The following TMEM14A variants were observed in gnomAD, a reference collection of about 807,000 sequenced individuals.
TMEM14A encodes transmembrane protein 14A.
TMEM14A carries 8 observed loss-of-function variants against 11.6 expected under a neutral mutation model. The observed-to-expected ratio is 0.69, with a 90% CI of 0.40 to 1.24. The LOEUF (loss-of-function observed/expected upper bound fraction) is 1.24, where lower values mean the gene tolerates loss of function less well. Among genes scored for constraint, TMEM14A ranks in the 50% most tolerant of loss-of-function variants. The probability of loss-of-function intolerance (pLI) is 0.01; values close to 1 mark genes in which losing one functional copy is unlikely to be tolerated. For synonymous variants in TMEM14A, 34 were observed against 45.5 expected (o/e 0.75, Z 1.02); for missense variants, 108 against 121.9 (o/e 0.89, Z 0.54).
intron 1 of TMEM14A, among the ~76,000 whole-genome samples, chr6:52,675,358 G>T (rs1048284763): frequency 6.6e-6 from 1 of 152,180 alleles, no homozygotes; most frequent in African/African-American, 2.4e-5. Context: ...ACGTGAGAAA[G>T]CTCAGAAATA....
intron 2 of TMEM14A, among the ~76,000 whole-genome samples, chr6:52,680,635 ATG>A (rs1193411881): frequency 4.9e-5 from 5 of 101,578 alleles, no homozygotes; most frequent in Admixed American, 1.0e-4. Flanking sequence ...GTATATATAT[ATG>A]TGTGTATATA....
intron 2 of TMEM14A, among the ~76,000 whole-genome samples, chr6:52,680,585 TTATATATTTA>T (rs1342795016): frequency 3.0e-5 from 1 of 33,264 alleles, no homozygotes; most frequent in Non-Finnish European, 8.1e-5. Context: ...CACTATATAT[TTATATATTTA>T]TATATATATA....
chr6:52,681,673 A>G (rs1004479661), intron 2 of TMEM14A, 140 bp from the exon 3 acceptor site: 8 of 683,660 alleles, frequency 1.2e-5, no homozygotes, highest in Admixed American at 5.4e-5. Flanking sequence ...GAAGAGGCCT[A>G]TTCTTAATTT....
At chr6:52,678,319 ATGTGTGTGTTTGTGTGTGTGTGTGTG>A (rs1186429061) in intron 2 of TMEM14A, among the ~76,000 whole-genome samples, 51 of 133,714 alleles carry the variant, frequency 3.8e-4, no homozygotes, top group African/African-American at 1.3e-3. Context: ...GAGTGTGTGT[ATGTGTGTGTTTGTGTGTGTGTGTGTG>A]TGTGTGTGTG....
chr6:52,683,492 A>AAG (rs1237536564), intron 3 of TMEM14A, among the ~76,000 whole-genome samples: 5 of 140,670 alleles, frequency 3.6e-5, no homozygotes, highest in African/African-American at 1.4e-4. Flanking sequence ...ACAAAAAAAA[A>AAG]AAAAAGAAAA....
Position 52,686,128 on chromosome 6 carries a change from T to C in TMEM14A, c.*79T>C. On this transcript the variant is annotated 3_prime_UTR_variant, in exon 5 of 5. Coordinates refer to ENST00000211314, the MANE Select transcript of TMEM14A (RefSeq NM_014051.4). ...GCATATTTTTTTTGTATTTAAAAGA[T>C]AAACTTCAATATGGAATGCTAGAAA... The C allele has an allele frequency of 3.0e-6, 4 of 1,323,708 alleles. No individual in the cohort carries two copies. Among genetic ancestry groups the C allele is most frequent in the Non-Finnish European group, 4.2e-6 (4 of 957,244 alleles). The allele number at this position is 1,323,708 out of a possible 1,614,324, so 82.0% of individuals were successfully genotyped here.
chr6:52,678,310 A>AGT (rs142548113), intron 2 of TMEM14A, among the ~76,000 whole-genome samples: 3 of 140,538 alleles, frequency 2.1e-5, no homozygotes, highest in African/African-American at 2.7e-5. Flanking sequence ...AGATATAGAG[A>AGT]GTGTGTGTAT....
At chr6:52,678,073 A>G (rs1297579104) in intron 2 of TMEM14A, among the ~76,000 whole-genome samples, 1 of 151,360 alleles carries the variant, frequency 6.6e-6, no homozygotes, top group Non-Finnish European at 1.5e-5. Flanking sequence ...TATTTGAAGG[A>G]AAAAAAAAGA....
At position 52,686,195 on chromosome 6, in the gene TMEM14A, G is replaced by T; in HGVS notation, c.*146G>T. On this transcript the variant is annotated 3_prime_UTR_variant, in exon 5 of 5. Transcript: ENST00000211314. ...ACCTCTAATATGAACATTAGTTTGA[G>T]GTAGTTTTTTTCTAAAGCAAAAATT... 2.8e-6 allele frequency: 2 copies of T among 708,664 alleles called. No homozygotes were observed. The highest frequency in any genetic ancestry group is 4.1e-5 in the South Asian group (1 of 24,264). The allele number at this position is 708,664 out of a possible 1,614,324, so 43.9% of individuals were successfully genotyped here. A position where few individuals can be genotyped will look rare whatever the true frequency, so the allele number is the denominator to read the frequency against.
intron 2 of TMEM14A, among the ~76,000 whole-genome samples, chr6:52,680,704 T>TACATATATGTGTATATATATATATACAC (rs1554137485): frequency 3.9e-5 from 2 of 51,108 alleles, no homozygotes; most frequent in Non-Finnish European, 8.8e-5. Context: ...TATATATATA[T>TACATATATGTGTATATATATATATACAC]ACACATATAT....
At chr6:52,685,512 G>A (rs1295652065) in intron 4 of TMEM14A, among the ~76,000 whole-genome samples, 1 of 152,010 alleles carries the variant, frequency 6.6e-6, no homozygotes, top group Non-Finnish European at 1.5e-5. Flanking sequence ...TTGAGCTCAG[G>A]AGGTGGAGGT....
intron 2 of TMEM14A, among the ~76,000 whole-genome samples, chr6:52,680,573 G>A (rs895077265): frequency 1.0e-4 from 10 of 95,740 alleles, no homozygotes; most frequent in Admixed American, 5.4e-4. Flanking sequence ...AACATTCTAA[G>A]CCACTATATA....
intron 4 of TMEM14A, 49 bp from the exon 5 acceptor site, chr6:52,685,961 G>A: frequency 6.3e-7 from 1 of 1,592,568 alleles, no homozygotes; most frequent in Non-Finnish European, 8.6e-7. Context: ...TCTGTCTTAT[G>A]CCAGATAAAA....
intron 2 of TMEM14A, among the ~76,000 whole-genome samples, chr6:52,677,823 G>T (rs541465098): frequency 2.6e-4 from 40 of 152,188 alleles, no homozygotes; most frequent in South Asian, 1.5e-3. Flanking sequence ...ATTTCAAAGG[G>T]TATTGTATTT....
chr6:52,676,563 T>G (rs1339113118), intron 1 of TMEM14A, among the ~76,000 whole-genome samples: 1 of 152,200 alleles, frequency 6.6e-6, no homozygotes, highest in Non-Finnish European at 1.5e-5. Flanking sequence ...GAACTTCCCT[T>G]TCTTTAGTAG....
intron 3 of TMEM14A, among the ~76,000 whole-genome samples, chr6:52,682,860 G>T (rs1298237954): frequency 1.3e-5 from 2 of 152,038 alleles, no homozygotes; most frequent in Non-Finnish European, 2.9e-5. Flanking sequence ...CTCCAAAAAG[G>T]CTGACATGAT....
chr6:52,680,653 G>GTGTATATA (rs1336856273), intron 2 of TMEM14A, among the ~76,000 whole-genome samples: 1 of 26,990 alleles, frequency 3.7e-5, no homozygotes, highest in Admixed American at 6.3e-4. Flanking sequence ...ATATATATGT[G>GTGTATATA]TGTGTATATA....
intron 2 of TMEM14A, 59 bp downstream of exon 2, chr6:52,677,231 G>A (rs1769274770): frequency 1.2e-5 from 19 of 1,552,876 alleles, no homozygotes; most frequent in Non-Finnish European, 1.5e-5. Flanking sequence ...GGTTGTGCTA[G>A]GTCATGTGAG....
intron 4 of TMEM14A, among the ~76,000 whole-genome samples, chr6:52,685,063 TA>T (rs1437879544): frequency 1.6e-4 from 25 of 152,332 alleles, no homozygotes; most frequent in South Asian, 1.4e-3. Flanking sequence ...ATAGTGTGAT[TA>T]AAAAAAGTTT....
Sources: allele counts gnomAD v4.1 joint callset (sites outside exome capture counted in the v4.1 genomes callset), GRCh38; gene constraint gnomAD v4.1.1; transcripts MANE v1.5; gene names NCBI Gene and HGNC (gene_info 2026-07-23, HGNC 2026-07-21).